NRG3: variants seen among roughly 807,000 people sequenced by gnomAD.
NRG3 encodes the protein pro-neuregulin-3, membrane-bound isoform.
NRG3 carries 31 observed loss-of-function variants against 66.9 expected under a neutral mutation model. That is an observed-to-expected ratio of 0.46 (90% CI 0.35 to 0.63). The LOEUF is 0.63. Ranked by LOEUF, NRG3 falls within the 20% of genes least tolerant of loss-of-function variation. The pLI is 0.00. For synonymous variants in NRG3, 393 were observed against 359.4 expected (o/e 1.09, Z -1.06); for missense variants, 910 against 878.9 (o/e 1.04, Z -0.45).
At chr10:82,263,283 T>C (rs1235082270) in intron 1 of NRG3, among the ~76,000 whole-genome samples, 1 of 152,142 alleles carries the variant, frequency 6.6e-6, no homozygotes, top group African/African-American at 2.4e-5. Flanking sequence ...CTTGAATTAC[T>C]CAAGGGATGG....
chr10:82,789,021 A>AAC (rs1284732310), intron 3 of NRG3, among the ~76,000 whole-genome samples: 1 of 151,964 alleles, frequency 6.6e-6, no homozygotes, highest in African/African-American at 2.4e-5. Context: ...ATTTATTTTG[A>AAC]ATATATATAC....
At chr10:82,951,433 T>C in intron 4 of NRG3, 36 bp from the exon 5 acceptor site, 2 of 1,508,658 alleles carry the variant, frequency 1.3e-6, no homozygotes, top group Non-Finnish European at 1.8e-6. Context: ...TGCACCCCGC[T>C]AGCATCCATT....
chr10:82,574,572 G>A (rs1403456573), intron 2 of NRG3, among the ~76,000 whole-genome samples: 1 of 151,770 alleles, frequency 6.6e-6, no homozygotes, highest in Non-Finnish European at 1.5e-5. Flanking sequence ...AAATGTTTGA[G>A]GTGACGGATA....
At chr10:82,034,180 T>A (rs1466801381) in intron 1 of NRG3, among the ~76,000 whole-genome samples, 1 of 152,160 alleles carries the variant, frequency 6.6e-6, no homozygotes, top group Admixed American at 6.5e-5. Flanking sequence ...CTCTAATCTG[T>A]TAGTACATTT....
intron 2 of NRG3, among the ~76,000 whole-genome samples, chr10:82,405,408 G>A (rs924077288): frequency 2.5e-4 from 38 of 151,372 alleles, no homozygotes; most frequent in Non-Finnish European, 4.3e-4. Flanking sequence ...GCATGACAGA[G>A]ATTGTTCATG....
intron 2 of NRG3, among the ~76,000 whole-genome samples, chr10:82,384,560 A>C (rs1290101109): frequency 6.6e-6 from 1 of 152,164 alleles, no homozygotes; most frequent in Non-Finnish European, 1.5e-5. Flanking sequence ...TTCGTCTGCT[A>C]AGGGTAATGG....
intron 1 of NRG3, among the ~76,000 whole-genome samples, chr10:82,271,543 C>G (rs558424263): frequency 2.1e-4 from 32 of 152,032 alleles, no homozygotes; most frequent in Non-Finnish European, 4.1e-4. Flanking sequence ...TCCCATATTC[C>G]TATATTCACC....
chr10:82,079,137 C>T (rs1273920417), intron 1 of NRG3, among the ~76,000 whole-genome samples: 3 of 151,940 alleles, frequency 2.0e-5, no homozygotes, highest in East Asian at 1.9e-4. Flanking sequence ...CTCCGCCTCC[C>T]GGGTTCAAGT....
intron 1 of NRG3, among the ~76,000 whole-genome samples, chr10:82,249,066 G>A (rs961975056): frequency 6.6e-6 from 1 of 152,156 alleles, no homozygotes; most frequent in Non-Finnish European, 1.5e-5. Flanking sequence ...AATCCTCTAT[G>A]ATCAAGCATA....
chr10:82,426,735 G>A lies in NRG3; in HGVS notation c.953+67867G>A, dbSNP rs569604279. ...TGCAGCCTTTGCCTCCTGGGCTTAA[G>A]TGATTCTCCAGCCTCAGCCTCCTGA... On this transcript the variant is annotated intron_variant, in intron 2 of 8. Coordinates refer to ENST00000372141, the MANE Select transcript of NRG3 (RefSeq NM_001010848.4). Among the ~76,000 whole-genome samples the A allele has an allele frequency of 1.7e-4, 26 of 151,658 alleles. No homozygotes were observed. The East Asian group carries it at 3.5e-3, about 20-fold the overall frequency.
At position 82,585,067 on chromosome 10, in the gene NRG3, C is replaced by T. The variant is rs559413368; in HGVS notation, c.954-153510C>T. 1.6e-3 allele frequency among the ~76,000 whole-genome samples: 243 copies of T among 151,888 alleles called. 2 individuals are homozygous for T. The highest frequency in any genetic ancestry group is 5.4e-3 in the African/African-American group (222 of 41,416). ...TGGGTGAGTATAATTAATAAAAATG[C>T]GTCGAAGACTGCAAATAAATGAGTT... On this transcript the variant is annotated intron_variant, in intron 2 of 8. Coordinates refer to ENST00000372141, the MANE Select transcript of NRG3 (RefSeq NM_001010848.4).
intron 1 of NRG3, among the ~76,000 whole-genome samples, chr10:81,970,647 TTGTG>T (rs140075518): frequency 6.6e-6 from 1 of 150,434 alleles, no homozygotes; most frequent in Admixed American, 6.6e-5. Context: ...CCAGAAATAT[TTGTG>T]TGTGTGTGTG....
chr10:82,210,922 T>TAA (rs34245469), intron 1 of NRG3, among the ~76,000 whole-genome samples: 53 of 132,102 alleles, frequency 4.0e-4, no homozygotes, highest in African/African-American at 6.5e-4. Flanking sequence ...TGGAACTTGG[T>TAA]AAAAAAAAAA....
intron 1 of NRG3, among the ~76,000 whole-genome samples, chr10:82,176,880 G>GACAT (rs1554841147): frequency 6.8e-6 from 1 of 146,118 alleles, no homozygotes; most frequent in Admixed American, 6.9e-5. Flanking sequence ...TTTAAAACAA[G>GACAT]ACACACACAC....
At position 82,174,591 on chromosome 10, in the gene NRG3, T is replaced by C. The variant is rs561947932; in HGVS notation, c.824-184148T>C. Among the ~76,000 whole-genome samples the C allele has an allele frequency of 2.6e-5, 4 of 152,278 alleles. No homozygotes were observed. The South Asian group carries it at 8.3e-4, about 32-fold the overall frequency. ...CCTTAATTAGTAGGCTGTATCCTCT[T>C]GTAGCTATAAGTAGCACAGAGCTTA... On this transcript the variant is annotated intron_variant, in intron 1 of 8. Coordinates refer to ENST00000372141, the MANE Select transcript of NRG3 (RefSeq NM_001010848.4).
intron 2 of NRG3, among the ~76,000 whole-genome samples, chr10:82,515,784 C>T (rs577295329): frequency 6.6e-6 from 1 of 151,024 alleles, no homozygotes; most frequent in South Asian, 2.1e-4. Flanking sequence ...AGTGGCTCCA[C>T]ACAGGGCTTC....
chr10:82,056,511 G>GGA (rs2063853709), intron 1 of NRG3, among the ~76,000 whole-genome samples: 1 of 152,152 alleles, frequency 6.6e-6, no homozygotes, highest in Admixed American at 6.5e-5. Flanking sequence ...ATCAAAGAAT[G>GGA]GAGAGGCTGA....
intron 1 of NRG3, among the ~76,000 whole-genome samples, chr10:82,149,371 T>C (rs771487996): frequency 2.6e-5 from 4 of 152,172 alleles, no homozygotes; most frequent in East Asian, 3.9e-4. Context: ...AAAGTTAATA[T>C]AATTGATTAG....
At chr10:82,073,623 A>G (rs944334352) in intron 1 of NRG3, among the ~76,000 whole-genome samples, 2 of 152,010 alleles carry the variant, frequency 1.3e-5, no homozygotes, top group African/African-American at 2.4e-5. Flanking sequence ...TGCCATTTTC[A>G]TGGTACGATT....
Sources: gnomAD v4.1 joint callset for allele counts (sites outside exome capture counted in the v4.1 genomes callset) on GRCh38, gnomAD v4.1.1 for gene constraint, MANE v1.5 for transcripts, NCBI Gene and HGNC (gene_info 2026-07-23, HGNC 2026-07-21) for gene names.